CRACDL: variants seen among roughly 807,000 people sequenced by gnomAD.
The protein encoded by CRACDL is CRACD like, also known as CRACD-like protein.
CRACDL carries 26 observed loss-of-function variants against 70.6 expected under a neutral mutation model. The ratio of observed to expected loss-of-function variants is 0.37; its 90% CI spans 0.27 to 0.51. CRACDL has a LOEUF of 0.51. CRACDL is among the 20% of genes least tolerant of loss of function. The probability of loss-of-function intolerance (pLI) is 0.94; values close to 1 mark genes in which losing one functional copy is unlikely to be tolerated. For missense variants in CRACDL, 1,283 were observed against 1,376.9 expected, an observed-to-expected ratio of 0.93 and a Z score of 1.08; for synonymous variants, 618 against 615.2, an observed-to-expected ratio of 1.00 and a Z score of -0.07.
At chr2:98,816,099 CAG>C (rs1704774839) in intron 7 of CRACDL, among the ~76,000 whole-genome samples, 1 of 152,140 alleles carries the variant, frequency 6.6e-6, no homozygotes, top group Non-Finnish European at 1.5e-5. Context: ...CTCTGGCCTG[CAG>C]GGGTTGTTGA....
intron 6 of CRACDL, among the ~76,000 whole-genome samples, chr2:98,826,124 C>G (rs532538246): frequency 6.6e-6 from 1 of 152,278 alleles, no homozygotes; most frequent in South Asian, 2.1e-4. Context: ...ATGTGAACCT[C>G]GAACCTGCCA....
At chr2:98,810,585 A>T (rs1253426210) in intron 7 of CRACDL, among the ~76,000 whole-genome samples, 9 of 152,314 alleles carry the variant, frequency 5.9e-5, no homozygotes, top group Admixed American at 2.0e-4. Context: ...GAACATCACA[A>T]CTGGCATTTT....
chr2:98,827,052 C>G lies in CRACDL; in HGVS notation c.658G>C (p.Asp220His), dbSNP rs1206251024. 1 of 1,614,116 alleles carries G rather than the reference C, an allele frequency of 6.2e-7. No individual in the cohort carries two copies. Among genetic ancestry groups the G allele is most frequent in the Non-Finnish European group, 8.5e-7 (1 of 1,180,006 alleles). ...SYPAESSSCL[D>H]NSAAKHKLQV... Reference sequence around the variant, plus strand: ...AGCTTGTGCTTAGCTGCAGAGTTGTCCAGGCAGGAGGAGGATTCTGCAGGA... The same window carrying G: ...AGCTTGTGCTTAGCTGCAGAGTTGTGCAGGCAGGAGGAGGATTCTGCAGGA... The change falls in exon 6 of 10, where the codon GAC (aspartate) becomes CAC (histidine). Residue 220 changes from aspartate to histidine, a missense_variant. This residue lies in a region of CRACDL where 362 missense variants were observed against 495.0 expected (regional missense o/e 0.73). Coordinates refer to ENST00000397899, the MANE Select transcript of CRACDL (RefSeq NM_207362.3).
intron 8 of CRACDL, among the ~76,000 whole-genome samples, chr2:98,797,011 T>C (rs1038941386): frequency 1.3e-4 from 20 of 152,198 alleles, no homozygotes; most frequent in Admixed American, 1.3e-3. Context: ...CTCGAAGTTA[T>C]TTTAACCTCC....
chr2:98,875,379 C>T (rs1707458479), intron 1 of CRACDL, among the ~76,000 whole-genome samples: 1 of 152,244 alleles, frequency 6.6e-6, no homozygotes, highest in African/African-American at 2.4e-5. Context: ...GACAGGCCAC[C>T]GCTAGTCAGC....
At chr2:98,849,257 C>T (rs1471255371) in intron 1 of CRACDL, among the ~76,000 whole-genome samples, 2 of 152,172 alleles carry the variant, frequency 1.3e-5, no homozygotes, top group African/African-American at 2.4e-5. Context: ...GGAAAGGAAC[C>T]GGAGGCCACT....
At chr2:98,869,919 G>C (rs1303722250) in intron 1 of CRACDL, among the ~76,000 whole-genome samples, 1 of 152,124 alleles carries the variant, frequency 6.6e-6, no homozygotes, top group Non-Finnish European at 1.5e-5. Flanking sequence ...GCACTGATGG[G>C]ATTTCCAGCC....
intron 1 of CRACDL, among the ~76,000 whole-genome samples, chr2:98,907,107 C>A (rs1417001061): frequency 6.6e-6 from 1 of 152,052 alleles, no homozygotes; most frequent in Non-Finnish European, 1.5e-5. Flanking sequence ...GCCTGGCCAA[C>A]ATGGTGAAAC....
intron 1 of CRACDL, among the ~76,000 whole-genome samples, chr2:98,923,062 C>G (rs145323415): frequency 0.038 from 5,750 of 151,978 alleles, 364 homozygotes; most frequent in African/African-American, 0.13. Flanking sequence ...CTGAGCTCAG[C>G]AGTTCGAGAC....
chr2:98,876,812 C>A (rs1707498355), intron 1 of CRACDL, among the ~76,000 whole-genome samples: 1 of 152,208 alleles, frequency 6.6e-6, no homozygotes, highest in South Asian at 2.1e-4. Flanking sequence ...CTGTGAAGGA[C>A]CAGGCTAGGT....
intron 1 of CRACDL, among the ~76,000 whole-genome samples, chr2:98,921,681 C>G (rs111974031): frequency 0.028 from 4,293 of 152,298 alleles, 80 homozygotes; most frequent in Middle Eastern, 0.065. Flanking sequence ...AAGGCTGAGG[C>G]CCCTGAGCAC....
At chr2:98,901,756 C>T (rs955311557) in intron 1 of CRACDL, among the ~76,000 whole-genome samples, 8 of 152,112 alleles carry the variant, frequency 5.3e-5, no homozygotes, top group Non-Finnish European at 1.0e-4. Context: ...TTGAGTGAAC[C>T]CCCCTGGGTG....
intron 7 of CRACDL, among the ~76,000 whole-genome samples, chr2:98,821,001 C>T (rs984784598): frequency 2.6e-5 from 4 of 152,124 alleles, no homozygotes; most frequent in African/African-American, 9.7e-5. Context: ...GTACACATGT[C>T]CTGGGATTTG....
intron 1 of CRACDL, among the ~76,000 whole-genome samples, chr2:98,883,255 C>T (rs1490951722): frequency 2.0e-5 from 3 of 152,182 alleles, no homozygotes; most frequent in Non-Finnish European, 4.4e-5. Context: ...AAAGAGACCA[C>T]AAGACAGAAG....
At chr2:98,852,507 A>G (rs1346433983) in intron 1 of CRACDL, among the ~76,000 whole-genome samples, 2 of 152,192 alleles carry the variant, frequency 1.3e-5, no homozygotes, top group Non-Finnish European at 2.9e-5. Context: ...AACACCTAAG[A>G]AAGAATAATC....
At chr2:98,851,136 G>A (rs1266559980) in intron 1 of CRACDL, among the ~76,000 whole-genome samples, 1 of 152,012 alleles carries the variant, frequency 6.6e-6, no homozygotes, top group East Asian at 1.9e-4. Context: ...CTTAGCTCCC[G>A]GTACCGTTCT....
chr2:98,878,010 G>A (rs184478869), intron 1 of CRACDL, among the ~76,000 whole-genome samples: 4,300 of 149,190 alleles, frequency 0.029, 100 homozygotes, highest in Non-Finnish European at 0.042. Flanking sequence ...GAAGTGGCAC[G>A]ATCTTGGCTC....
intron 1 of CRACDL, among the ~76,000 whole-genome samples, chr2:98,888,298 C>T (rs542218000): frequency 1.2e-4 from 18 of 151,944 alleles, no homozygotes; most frequent in Non-Finnish European, 2.2e-4. Context: ...ATTTAAAAGA[C>T]GACTGTGGAA....
intron 1 of CRACDL, among the ~76,000 whole-genome samples, chr2:98,853,322 A>G (rs1706558314): frequency 1.3e-5 from 2 of 152,224 alleles, no homozygotes; most frequent in African/African-American, 4.8e-5. Flanking sequence ...AAAAGCCAAC[A>G]GAATAGTCTC....
Sources: gnomAD v4.1 joint callset for allele counts (sites outside exome capture counted in the v4.1 genomes callset) on GRCh38, gnomAD v4.1.1 for gene constraint, gnomAD v4.1.1 regional missense constraint, MANE v1.5 for transcripts, NCBI Gene and HGNC (gene_info 2026-07-23, HGNC 2026-07-21) for gene names.